ROBO1: variants seen among roughly 807,000 people sequenced by gnomAD.
ROBO1 encodes roundabout guidance receptor 1.
A neutral mutation model predicts 195.9 loss-of-function variants in ROBO1; 149 were observed. That is an observed-to-expected ratio of 0.76 (90% confidence interval 0.67 to 0.87). The LOEUF is 0.87. Ranked by LOEUF, ROBO1 falls within the 40% of genes least tolerant of loss-of-function variation. The probability of loss-of-function intolerance (pLI) is 0.00; values close to 1 mark genes in which losing one functional copy is unlikely to be tolerated. For missense variants in ROBO1, 1,933 were observed against 2,068.3 expected (o/e 0.93, Z 1.27); for synonymous variants, 816 against 733.2 (o/e 1.11, Z -1.82).
Position 79,567,562 on chromosome 3 carries a change from G to A in ROBO1, c.88+22262C>T, listed in dbSNP as rs370773632. Among the ~76,000 whole-genome samples the A allele has an allele frequency of 4.4e-4, 67 of 151,994 alleles. No individual in the cohort carries two copies. In the East Asian group the frequency reaches 6.2e-3, roughly 14 times the overall value. On this transcript the variant is annotated intron_variant, in intron 2 of 30. Transcript: ENST00000464233. ...CTTCCTGGTATTAATTATTCATTTC[G>A]TTTATCATTCAAAAGGTTCCAGCCA...
At chr3:79,259,633 A>G (rs1215908164) in intron 2 of ROBO1, among the ~76,000 whole-genome samples, 1 of 151,566 alleles carries the variant, frequency 6.6e-6, no homozygotes, top group African/African-American at 2.4e-5. Flanking sequence ...CTCTATATCC[A>G]CCCACAGAAT....
rs188706731 is a variant in ROBO1, at chr3:79,359,635, A to C, written c.88+230189T>G. 4.5e-3 allele frequency among the ~76,000 whole-genome samples: 685 copies of C among 152,150 alleles called. 2 individuals are homozygous for C. Among genetic ancestry groups the C allele is most frequent in the Non-Finnish European group, 7.3e-3 (499 of 67,918 alleles). The stretch of plus-strand genomic sequence containing the variant: ...ATTTGACTTATTATTTGTTCAATCT[A>C]TCCAGTAAACCATGAAACCAATTAT... On this transcript the variant is annotated intron_variant, in intron 2 of 30. Coordinates refer to ENST00000464233, the MANE Select transcript of ROBO1 (RefSeq NM_002941.4).
intron 1 of ROBO1, among the ~76,000 whole-genome samples, chr3:79,765,800 CA>C (rs1704953866): frequency 6.6e-6 from 1 of 152,114 alleles, no homozygotes; most frequent in South Asian, 2.1e-4. Flanking sequence ...CTGACAACCC[CA>C]AGTGGCCCAT....
chr3:79,638,241 T>C (rs1424231467), intron 1 of ROBO1, among the ~76,000 whole-genome samples: 1 of 152,198 alleles, frequency 6.6e-6, no homozygotes, highest in Admixed American at 6.5e-5. Flanking sequence ...CAGTATCATA[T>C]CAGATACTTC....
In ROBO1 at chr3:78,639,893, C is replaced by T; in HGVS notation, c.2888G>A (p.Gly963Glu). The change falls in exon 22 of 31, where the codon GGA (glycine) becomes GAA (glutamate). Residue 963 changes from glycine (G) to glutamate (E), a missense_variant. This residue lies in a region of ROBO1 where 1,737 missense variants were observed against 1,882.5 expected (regional missense o/e 0.92). Coordinates refer to ENST00000464233, the MANE Select transcript of ROBO1 (RefSeq NM_002941.4). ...GEAVSSGGRP[G>E]LLNISEPAAQ... is the part of the protein sequence containing the mutation. ...GGCAGGTTCACTGATGTTGAGAAGT[C>T]CAGGCCTAAATAAAAAAAAAATATT... 1 of 1,572,070 alleles carries T rather than the reference C, an allele frequency of 6.4e-7. No individual in the cohort carries two copies. The highest frequency in any genetic ancestry group is 8.6e-7 in the Non-Finnish European group (1 of 1,157,990).
chr3:78,749,993 GAT>G (rs1402631343), intron 4 of ROBO1, among the ~76,000 whole-genome samples: 1 of 152,148 alleles, frequency 6.6e-6, no homozygotes, highest in African/African-American at 2.4e-5. Flanking sequence ...TTCCCACTAA[GAT>G]TGTAACAATA....
intron 2 of ROBO1, among the ~76,000 whole-genome samples, chr3:79,525,119 AG>A (rs1941373058): frequency 6.6e-6 from 1 of 151,724 alleles, no homozygotes; most frequent in South Asian, 2.1e-4. Context: ...TTAATGAAAA[AG>A]ATCCACATTA....
At chr3:79,048,520 A>G (rs1346306090) in intron 3 of ROBO1, among the ~76,000 whole-genome samples, 1 of 152,158 alleles carries the variant, frequency 6.6e-6, no homozygotes, top group African/African-American at 2.4e-5. Flanking sequence ...CACAACTGGC[A>G]TCCACGCAGC....
chr3:79,673,026 G>A (rs1165381126), intron 1 of ROBO1, among the ~76,000 whole-genome samples: 1 of 151,976 alleles, frequency 6.6e-6, no homozygotes, highest in Non-Finnish European at 1.5e-5. Flanking sequence ...AGGCTTCACA[G>A]CTGCTGATGC....
chr3:79,314,429 A>G (rs2033637830), intron 2 of ROBO1, among the ~76,000 whole-genome samples: 1 of 152,142 alleles, frequency 6.6e-6, no homozygotes, highest in Admixed American at 6.5e-5. Flanking sequence ...TGGTTTCATA[A>G]GGGGCTTTTC....
rs907093486 is a variant in ROBO1, at chr3:79,487,106, G to C, written c.88+102718C>G. ...ATTGTTCTTTGTTGAAAATGATAAAGAGAGTTCCCAGGAACCTCCTGGAGA... is the reference window on the plus strand; with the variant it reads ...ATTGTTCTTTGTTGAAAATGATAAACAGAGTTCCCAGGAACCTCCTGGAGA... On this transcript the variant is annotated intron_variant, in intron 2 of 30. Transcript: ENST00000464233. Among the ~76,000 whole-genome samples, 4 of 141,658 alleles carry C rather than the reference G, an allele frequency of 2.8e-5. No homozygotes were observed. The Admixed American group carries it at 2.8e-4, about 10-fold the overall frequency. The allele number at this position is 141,658 out of a possible 152,430, so 92.9% of individuals were successfully genotyped here.
intron 30 of ROBO1, among the ~76,000 whole-genome samples, chr3:78,599,497 C>T (rs1575751715): frequency 6.6e-6 from 1 of 152,164 alleles, no homozygotes; most frequent in East Asian, 1.9e-4. Context: ...TTGAGTTTAA[C>T]TATATTTATT....
intron 2 of ROBO1, among the ~76,000 whole-genome samples, chr3:79,275,022 C>G (rs2030910758): frequency 1.3e-5 from 2 of 151,786 alleles, no homozygotes; most frequent in Admixed American, 1.3e-4. Flanking sequence ...TGCTCAGGAC[C>G]CAGTAGATAC....
chr3:79,028,793 T>C (rs2078245663), intron 3 of ROBO1, among the ~76,000 whole-genome samples: 1 of 152,028 alleles, frequency 6.6e-6, no homozygotes, highest in South Asian at 2.1e-4. Context: ...ATTATTATAT[T>C]TTTGTTTAAG....
At chr3:78,925,791 T>A (rs2039178580) in intron 4 of ROBO1, among the ~76,000 whole-genome samples, 1 of 152,122 alleles carries the variant, frequency 6.6e-6, no homozygotes, top group Admixed American at 6.5e-5. Flanking sequence ...TACCTTTAAC[T>A]TGTGGTGGGT....
intron 2 of ROBO1, among the ~76,000 whole-genome samples, chr3:79,211,819 G>A (rs1559738472): frequency 6.6e-6 from 1 of 152,226 alleles, no homozygotes; most frequent in East Asian, 1.9e-4. Context: ...ACCTAGCTGC[G>A]CTGGAGGAAT....
intron 2 of ROBO1, among the ~76,000 whole-genome samples, chr3:79,575,540 T>A (rs186175178): frequency 0.014 from 1,938 of 139,076 alleles, 36 homozygotes; most frequent in African/African-American, 0.047. Context: ...AACAAATATA[T>A]ATAAATATAT....
chr3:78,823,646 T>C (rs142068096), intron 4 of ROBO1, among the ~76,000 whole-genome samples: 206 of 152,294 alleles, frequency 1.4e-3, no homozygotes, highest in Admixed American at 2.4e-3. Flanking sequence ...CACTTTTACC[T>C]CGTGGTCTTT....
chr3:79,715,243 T>A (rs1702437910), intron 1 of ROBO1, among the ~76,000 whole-genome samples: 1 of 152,130 alleles, frequency 6.6e-6, no homozygotes, highest in African/African-American at 2.4e-5. Flanking sequence ...GAACTCAATT[T>A]TAAAAGGCAT....
Sources: gnomAD v4.1 joint callset for allele counts (sites outside exome capture counted in the v4.1 genomes callset) on GRCh38, gnomAD v4.1.1 for gene constraint, gnomAD v4.1.1 regional missense constraint, MANE v1.5 for transcripts, NCBI Gene and HGNC (gene_info 2026-07-23, HGNC 2026-07-21) for gene names.